Variants in CPED1 observed in about 807,000 individuals in gnomAD.
CPED1 encodes cadherin like and PC-esterase domain containing 1.
A neutral mutation model predicts 128.2 loss-of-function variants in CPED1; 114 were observed. That is an observed-to-expected ratio of 0.89 (90% CI 0.76 to 1.04). The LOEUF (loss-of-function observed/expected upper bound fraction) is 1.04, where lower values mean the gene tolerates loss of function less well. CPED1 is among the 50% of genes least tolerant of loss of function. CPED1 has a pLI of 0.00. For synonymous variants in CPED1, 462 were observed against 426.7 expected (o/e 1.08, Z -1.02); for missense variants, 1,211 against 1,207.1 (o/e 1.00, Z -0.05).
At chr7:121,176,168 C>A (rs1796772164) in intron 16 of CPED1, among the ~76,000 whole-genome samples, 2 of 85,076 alleles carry the variant, frequency 2.4e-5, no homozygotes, top group African/African-American at 4.8e-5. Flanking sequence ...AATAGACAAA[C>A]AATATCCCTC....
chr7:121,278,926 A>T (rs1792381726), intron 22 of CPED1, among the ~76,000 whole-genome samples: 1 of 152,154 alleles, frequency 6.6e-6, no homozygotes, highest in Non-Finnish European at 1.5e-5. Flanking sequence ...TGTCAGTGTG[A>T]CTAAAAAAGA....
chr7:121,116,073 A>G (rs1035849186), intron 7 of CPED1, among the ~76,000 whole-genome samples: 22 of 152,156 alleles, frequency 1.4e-4, no homozygotes, highest in Admixed American at 7.2e-4. Context: ...AGCCTTTTGT[A>G]TTTCTGTACT....
At chr7:121,238,175 C>T (rs1798304017) in intron 17 of CPED1, among the ~76,000 whole-genome samples, 1 of 152,078 alleles carries the variant, frequency 6.6e-6, no homozygotes, top group Non-Finnish European at 1.5e-5. Context: ...AGGCTTTGTG[C>T]CTGGACATTG....
At chr7:121,001,356 C>G (rs1339716815) in intron 2 of CPED1, among the ~76,000 whole-genome samples, 1 of 152,048 alleles carries the variant, frequency 6.6e-6, no homozygotes, top group Admixed American at 6.6e-5. Flanking sequence ...CATAGCAAGT[C>G]TCTTGTAACA....
chr7:121,192,183 C>G (rs896699963), intron 16 of CPED1, among the ~76,000 whole-genome samples: 2 of 152,068 alleles, frequency 1.3e-5, no homozygotes, highest in African/African-American at 4.8e-5. Flanking sequence ...CTTATTCTTT[C>G]ACCATTTCCC....
intron 3 of CPED1, among the ~76,000 whole-genome samples, chr7:121,036,600 T>G (rs1297627510): frequency 1.3e-5 from 2 of 151,626 alleles, no homozygotes; most frequent in Admixed American, 6.6e-5. Context: ...GCTATAAACA[T>G]GCTTGTGTAA....
At chr7:121,094,999 A>G (rs1794666155) in intron 5 of CPED1, among the ~76,000 whole-genome samples, 1 of 152,180 alleles carries the variant, frequency 6.6e-6, no homozygotes, top group Non-Finnish European at 1.5e-5. Flanking sequence ...TTCAGTTTGC[A>G]TATTATGCGG....
intron 22 of CPED1, among the ~76,000 whole-genome samples, chr7:121,288,015 A>G (rs1424572031): frequency 6.6e-6 from 1 of 152,180 alleles, no homozygotes; most frequent in Non-Finnish European, 1.5e-5. Context: ...AGGGTAAACA[A>G]TCATACAGTT....
In CPED1 at chr7:120,989,619, G is replaced by T; in HGVS notation, c.-3G>T. On this transcript the variant is annotated 5_prime_UTR_variant, in exon 2 of 23. Transcript: ENST00000310396. ...ACAGGGGCCAAGTGAAGCTGAACTG[G>T]TCATGGTCTGTCGCCCAGTGTTCCC... is the stretch of plus-strand genomic sequence containing the variant. 6.2e-7 allele frequency: 1 copy of T among 1,613,948 alleles called. No individual in the cohort carries two copies. The highest frequency in any genetic ancestry group is 8.5e-7 in the Non-Finnish European group (1 of 1,179,986).
intron 16 of CPED1, among the ~76,000 whole-genome samples, chr7:121,152,365 T>C (rs1796179406): frequency 6.6e-6 from 1 of 152,194 alleles, no homozygotes; most frequent in South Asian, 2.1e-4. Context: ...CTTGATAAAG[T>C]TAAGAGACCC....
chr7:120,991,278 C>G (rs1339654687), intron 2 of CPED1, among the ~76,000 whole-genome samples: 3 of 152,184 alleles, frequency 2.0e-5, no homozygotes, highest in Admixed American at 6.5e-5. Context: ...AGTTGAAACA[C>G]TTTAAAATGA....
At chr7:121,167,752 G>A (rs1402109896) in intron 16 of CPED1, among the ~76,000 whole-genome samples, 1 of 99,374 alleles carries the variant, frequency 1.0e-5, no homozygotes, top group African/African-American at 4.1e-5. Flanking sequence ...TTTTTTTTGA[G>A]ATGGAGTCTC....
intron 16 of CPED1, among the ~76,000 whole-genome samples, chr7:121,150,321 A>G (rs1011450918): frequency 2.0e-5 from 3 of 151,802 alleles, no homozygotes; most frequent in Non-Finnish European, 4.4e-5. Flanking sequence ...TTGTTCCTGC[A>G]TCAATTCCCT....
At chr7:121,074,286 ACCAAT>A (rs1794064028) in intron 5 of CPED1, among the ~76,000 whole-genome samples, 1 of 152,084 alleles carries the variant, frequency 6.6e-6, no homozygotes, top group African/African-American at 2.4e-5. Flanking sequence ...CATTGATGGA[ACCAAT>A]CCAGAAAAGG....
chr7:121,272,588 C>G lies in CPED1; in HGVS notation c.2868+1158C>G, dbSNP rs572257994. Reference sequence around the variant, plus strand: ...TCCTTTTGAAAAATATTCAAAATAGCACTAGGCTTGCTCTACTTTGAACTA... The same window carrying G: ...TCCTTTTGAAAAATATTCAAAATAGGACTAGGCTTGCTCTACTTTGAACTA... On this transcript the variant is annotated intron_variant, in intron 22 of 22. Coordinates refer to ENST00000310396, the MANE Select transcript of CPED1 (RefSeq NM_024913.5). Among the ~76,000 whole-genome samples the G allele has an allele frequency of 9.7e-4, 147 of 152,186 alleles. 1 individual carries two copies. The highest frequency in any genetic ancestry group is 3.4e-3 in the African/African-American group (141 of 41,540).
chr7:121,118,605 A>G (rs1267784015), intron 7 of CPED1, among the ~76,000 whole-genome samples: 1 of 151,482 alleles, frequency 6.6e-6, no homozygotes, highest in Non-Finnish European at 1.5e-5. Context: ...AACCATATCT[A>G]TCTGAGAGAT....
intron 5 of CPED1, among the ~76,000 whole-genome samples, chr7:121,068,467 G>C (rs1008681096): frequency 1.4e-4 from 21 of 151,840 alleles, no homozygotes; most frequent in Non-Finnish European, 2.9e-4. Context: ...CTGTTCCATT[G>C]GTCTATATCT....
intron 2 of CPED1, among the ~76,000 whole-genome samples, chr7:120,993,648 T>G (rs1349407418): frequency 6.6e-6 from 1 of 152,196 alleles, no homozygotes; most frequent in Non-Finnish European, 1.5e-5. Flanking sequence ...GAAATAGAAC[T>G]GGAGGCAAAC....
chr7:121,084,816 T>G (rs1010715726), intron 5 of CPED1, among the ~76,000 whole-genome samples: 10 of 152,196 alleles, frequency 6.6e-5, no homozygotes, highest in Non-Finnish European at 1.0e-4. Context: ...AGGGTGATAC[T>G]CAGCATCGTA....
Sources: gnomAD v4.1 joint callset for allele counts (sites outside exome capture counted in the v4.1 genomes callset) on GRCh38, gnomAD v4.1.1 for gene constraint, MANE v1.5 for transcripts, NCBI Gene and HGNC (gene_info 2026-07-23, HGNC 2026-07-21) for gene names.